Variants in GRM8 observed in about 807,000 individuals in gnomAD.
GRM8 encodes metabotropic glutamate receptor 8.
GRM8 carries 47 observed loss-of-function variants against 87.2 expected under a neutral mutation model. The observed-to-expected ratio is 0.54, with a 90% CI of 0.43 to 0.69. The LOEUF (loss-of-function observed/expected upper bound fraction) is 0.69. Among genes scored for constraint, GRM8 ranks in the 30% least tolerant of loss-of-function variants. GRM8 has a pLI of 0.00. For missense variants in GRM8, 1,019 were observed against 1,139.2 expected, an observed-to-expected ratio of 0.89 and a Z score of 1.52; for synonymous variants, 396 against 404.5, an observed-to-expected ratio of 0.98 and a Z score of 0.25.
chr7:126,947,429 G>C (rs17869343), intron 3 of GRM8, among the ~76,000 whole-genome samples: 2,870 of 152,160 alleles, frequency 0.019, 81 homozygotes, highest in African/African-American at 0.065. Flanking sequence ...GTACAAACTG[G>C]AGACTCCAGA....
intron 3 of GRM8, among the ~76,000 whole-genome samples, chr7:126,952,500 T>G (rs981321284): frequency 6.6e-6 from 1 of 152,044 alleles, no homozygotes; most frequent in African/African-American, 2.4e-5. Context: ...TTGCACAGTC[T>G]TAAAGCATGT....
intron 3 of GRM8, 50 bp downstream of exon 3, chr7:127,106,446 T>C (rs769902470): frequency 1.4e-6 from 2 of 1,417,618 alleles, no homozygotes; most frequent in Non-Finnish European, 2.0e-6. Context: ...TGCTCAGGCA[T>C]CAGCAATCTG....
chr7:127,068,538 C>T (rs1248616359), intron 3 of GRM8, among the ~76,000 whole-genome samples: 1 of 152,182 alleles, frequency 6.6e-6, no homozygotes, highest in Non-Finnish European at 1.5e-5. Context: ...GGAAAACCTT[C>T]AACTAGAACT....
At chr7:126,507,882 TCAA>T (rs1356283658) in intron 9 of GRM8, among the ~76,000 whole-genome samples, 1 of 152,028 alleles carries the variant, frequency 6.6e-6, no homozygotes, top group Non-Finnish European at 1.5e-5. Flanking sequence ...TTCAGTCTGT[TCAA>T]CAACAACTCC....
At chr7:126,643,307 AAAAAAAAAAAAAATATAT>A (rs1208716679) in intron 7 of GRM8, among the ~76,000 whole-genome samples, 2 of 35,002 alleles carry the variant, frequency 5.7e-5, no homozygotes, top group Admixed American at 2.8e-4. Flanking sequence ...AAAAAAAAAA[AAAAAAAAAAAAAATATAT>A]ATATATATAT....
intron 6 of GRM8, among the ~76,000 whole-genome samples, chr7:126,819,626 TTCGA>T (rs1794118159): frequency 6.6e-6 from 1 of 152,288 alleles, no homozygotes; most frequent in South Asian, 2.1e-4. Flanking sequence ...AAGATGCCAT[TTCGA>T]CTTCATTTAA....
chr7:126,900,586 T>C (rs1203291840), intron 6 of GRM8, among the ~76,000 whole-genome samples: 1 of 152,146 alleles, frequency 6.6e-6, no homozygotes, highest in African/African-American at 2.4e-5. Flanking sequence ...CTCAGCTCAC[T>C]GCAACCTCCA....
intron 6 of GRM8, among the ~76,000 whole-genome samples, chr7:126,810,916 C>G (rs1376464417): frequency 6.6e-6 from 1 of 152,056 alleles, no homozygotes; most frequent in Non-Finnish European, 1.5e-5. Context: ...TCTGTAGGCT[C>G]CTCAACCAAG....
chr7:127,008,466 C>T (rs1306702036), intron 3 of GRM8, among the ~76,000 whole-genome samples: 2 of 152,046 alleles, frequency 1.3e-5, no homozygotes, highest in Admixed American at 1.3e-4. Context: ...CTCCCTCATG[C>T]CTCAGGACCT....
At chr7:127,208,259 TTTGC>T (rs1489793840) in intron 2 of GRM8, among the ~76,000 whole-genome samples, 1 of 152,184 alleles carries the variant, frequency 6.6e-6, no homozygotes. Context: ...AATACGCATG[TTTGC>T]TTATCACACG....
chr7:126,493,814 A>G (rs1350937116), intron 9 of GRM8, among the ~76,000 whole-genome samples: 3 of 152,030 alleles, frequency 2.0e-5, no homozygotes. Context: ...CCAGACATCT[A>G]TATGGTTCCC....
rs143792462 is a variant in GRM8, at chr7:126,792,964, T to C, written c.1157-22899A>G. On this transcript the variant is annotated intron_variant, in intron 6 of 10. Transcript: ENST00000339582. ...TCTCTACTGAAGTCCACTGTAAAGA[T>C]TGTACATCAGATTCTTCCCTGCAAT... 2.5e-3 allele frequency among the ~76,000 whole-genome samples: 386 copies of C among 152,306 alleles called. 1 individual carries two copies. Among genetic ancestry groups the C allele is most frequent in the African/African-American group, 7.1e-3 (297 of 41,574 alleles).
At chr7:127,184,873 A>G (rs558843277) in intron 2 of GRM8, among the ~76,000 whole-genome samples, 1 of 152,144 alleles carries the variant, frequency 6.6e-6, no homozygotes, top group South Asian at 2.1e-4. Flanking sequence ...GAGAAAATAC[A>G]TTTGCAATGG....
intron 3 of GRM8, among the ~76,000 whole-genome samples, chr7:126,922,451 A>T (rs1441164567): frequency 1.3e-5 from 2 of 152,152 alleles, no homozygotes; most frequent in Non-Finnish European, 2.9e-5. Context: ...GCAACATGAA[A>T]ATGTTTTGTG....
Position 126,496,061 on chromosome 7 carries a change from G to T in GRM8, c.2430+36891C>A, listed in dbSNP as rs1329623648. Among the ~76,000 whole-genome samples, 3 of 151,958 alleles carry T rather than the reference G, an allele frequency of 2.0e-5. No homozygotes were observed. In the East Asian group the frequency reaches 5.8e-4, roughly 30 times the overall value. On this transcript the variant is annotated intron_variant, in intron 9 of 10. Transcript: ENST00000339582. ...CAGAGTCCTGAGCTACTTGATGAAT[G>T]TTAGGGTGGGGGTAGTAAATAGGAC...
At chr7:127,113,009 C>A (rs910959391) in intron 2 of GRM8, among the ~76,000 whole-genome samples, 4 of 152,130 alleles carry the variant, frequency 2.6e-5, no homozygotes, top group African/African-American at 9.7e-5. Flanking sequence ...TCCCCCAAAC[C>A]AACTGTGTCT....
intron 6 of GRM8, among the ~76,000 whole-genome samples, chr7:126,887,371 A>G (rs1290719566): frequency 6.6e-6 from 1 of 152,124 alleles, no homozygotes; most frequent in African/African-American, 2.4e-5. Context: ...CAGTCAAGGA[A>G]AAAGATTTTT....
intron 8 of GRM8, among the ~76,000 whole-genome samples, chr7:126,603,367 T>C (rs1013354404): frequency 2.0e-5 from 3 of 149,112 alleles, no homozygotes; most frequent in Non-Finnish European, 4.5e-5. Context: ...TTCAACATAG[T>C]GTTGGAAGTT....
chr7:126,646,758 T>C (rs890613124), intron 7 of GRM8, among the ~76,000 whole-genome samples: 21 of 152,230 alleles, frequency 1.4e-4, no homozygotes, highest in African/African-American at 4.6e-4. Flanking sequence ...TTAAATGATA[T>C]AATCCATGTA....
Sources: allele counts gnomAD v4.1 joint callset (sites outside exome capture counted in the v4.1 genomes callset), GRCh38; gene constraint gnomAD v4.1.1; transcripts MANE v1.5; gene names NCBI Gene and HGNC (gene_info 2026-07-23, HGNC 2026-07-21).